Variants in SUFU observed in about 807,000 individuals in gnomAD.
SUFU encodes suppressor of fused homolog.
In SUFU, 7 loss-of-function variants were observed where a neutral mutation model predicts 58.9. The observed-to-expected ratio is 0.12, with a 90% CI of 0.07 to 0.22. SUFU has a LOEUF of 0.22. Ranked by LOEUF, SUFU falls within the 10% of genes least tolerant of loss-of-function variation. The pLI, the probability that SUFU is intolerant of heterozygous loss-of-function variation, is 1.00. For synonymous variants in SUFU, 232 were observed against 254.8 expected (o/e 0.91, Z 0.85); for missense variants, 451 against 641.3 (o/e 0.70, Z 3.20).
intron 6 of SUFU, 73 bp downstream of exon 6, chr10:102,594,138 C>T: frequency 3.4e-6 from 5 of 1,476,844 alleles, no homozygotes; most frequent in South Asian, 2.3e-5. Flanking sequence ...TGGCTTTCAT[C>T]CTGGGAAAAC....
In SUFU at chr10:102,633,046, CAG is replaced by C; in HGVS notation, c.*2892_*2893del. On this transcript the variant is annotated 3_prime_UTR_variant, in exon 12 of 12. Coordinates refer to ENST00000369902, the MANE Select transcript of SUFU (RefSeq NM_016169.4). Reference sequence around the variant, plus strand: ...GCTAGAGCATTTTTAAAAATAGACACAGGGTCTTGGGACTGGGGTTTCGGATT... The same window carrying C: ...GCTAGAGCATTTTTAAAAATAGACACGGTCTTGGGACTGGGGTTTCGGATT... 4.3e-6 allele frequency: 1 copy of C among 233,374 alleles called. No individual in the cohort carries two copies. The highest frequency in any genetic ancestry group is 8.5e-6 in the Non-Finnish European group (1 of 118,096). The allele number at this position is 233,374 out of a possible 1,614,324, so 14.5% of individuals were successfully genotyped here.
chr10:102,580,050 T>C (rs1429331834), intron 3 of SUFU, among the ~76,000 whole-genome samples: 1 of 56,280 alleles, frequency 1.8e-5, no homozygotes, highest in African/African-American at 6.7e-5. Context: ...GCCCCCAGTT[T>C]GTTTGCTTTG....
intron 3 of SUFU, among the ~76,000 whole-genome samples, chr10:102,556,535 G>A (rs988439785): frequency 6.6e-6 from 1 of 152,068 alleles, no homozygotes; most frequent in Admixed American, 6.6e-5. Flanking sequence ...CTGAGGTCAG[G>A]AGTTTGAGAC....
rs772364585 is a variant in SUFU at position 102,619,120 on chromosome 10, T to G, written c.1296+1692T>G. 2 of 1,612,584 alleles carry G rather than the reference T, an allele frequency of 1.2e-6. No homozygotes were observed. The highest frequency in any genetic ancestry group is 1.7e-5 in the Admixed American group (1 of 60,000). On this transcript the variant is annotated intron_variant, in intron 10 of 11. Transcript: ENST00000369902. This position sits in a 1 kb window ranked among gnomAD's most constrained non-coding sequence, Gnocchi z 4.2. ...CCCGTCCTGGAACGTCTTTCTGCCC[T>G]GAGGAGAGGGTAGTCAGCATCTCCA...
chr10:102,582,113 G>T (rs1161596140), intron 3 of SUFU, among the ~76,000 whole-genome samples: 1 of 152,186 alleles, frequency 6.6e-6, no homozygotes, highest in South Asian at 2.1e-4. Flanking sequence ...GAGAAAAGGG[G>T]CATTTGGCTT....
At chr10:102,528,960 T>C (rs1412539998) in intron 2 of SUFU, among the ~76,000 whole-genome samples, 2 of 108,010 alleles carry the variant, frequency 1.9e-5, no homozygotes, top group Non-Finnish European at 4.3e-5. Context: ...TTTTTTCCTT[T>C]CTTTTTTTTT....
chr10:102,591,162 T>C (rs1285148993), intron 3 of SUFU: 2 of 152,224 alleles, frequency 1.3e-5, no homozygotes, highest in Non-Finnish European at 2.9e-5. Flanking sequence ...TAGTGAACTC[T>C]GGAACAGCCA....
chr10:102,606,026 A>G (rs191028667), intron 8 of SUFU, among the ~76,000 whole-genome samples: 6 of 152,314 alleles, frequency 3.9e-5, no homozygotes, highest in Admixed American at 3.9e-4. Flanking sequence ...AATGGGACCA[A>G]TGCCCTTTAG....
chr10:102,630,558 T>A lies in SUFU; in HGVS notation c.*403T>A, dbSNP rs896921892. ...GGCGGACAGCCAGATGCAGAGCGAG[T>A]GGATGCACTTCCCAGCTCATCTCTG... On this transcript the variant is annotated 3_prime_UTR_variant, in exon 12 of 12. Coordinates refer to ENST00000369902, the MANE Select transcript of SUFU (RefSeq NM_016169.4). 5.2e-6 allele frequency: 2 copies of A among 382,418 alleles called. No individual in the cohort carries two copies. The highest frequency in any genetic ancestry group is 9.9e-6 in the Non-Finnish European group (2 of 202,720). 23.7% of individuals were successfully genotyped at this position (382,418 alleles called of 1,614,324 possible).
intron 3 of SUFU, among the ~76,000 whole-genome samples, chr10:102,551,884 C>A (rs1334092411): frequency 4.0e-5 from 6 of 151,038 alleles, no homozygotes; most frequent in Admixed American, 6.6e-5. Flanking sequence ...GCCACCACGC[C>A]TGGCTAATTT....
chr10:102,507,113 G>A (rs2062337430), intron 1 of SUFU, among the ~76,000 whole-genome samples: 1 of 152,198 alleles, frequency 6.6e-6, no homozygotes, highest in Non-Finnish European at 1.5e-5. Flanking sequence ...TAAGTAAACA[G>A]AATACTCTGT....
In SUFU at chr10:102,632,163, G is replaced by A. The variant is rs1257332041; in HGVS notation, c.*2008G>A. On this transcript the variant is annotated 3_prime_UTR_variant, in exon 12 of 12. Coordinates refer to ENST00000369902, the MANE Select transcript of SUFU (RefSeq NM_016169.4). The stretch of plus-strand genomic sequence containing the variant: ...TGCTGGGTGCCTCCATCGTTGGTTG[G>A]GTGGGGATGGGGCATTTTCTGAGCT... The A allele has an allele frequency of 4.3e-6, 1 of 233,192 alleles. No homozygotes were observed. Among genetic ancestry groups the A allele is most frequent in the East Asian group, 6.0e-5 (1 of 16,608 alleles). 14.4% of individuals were successfully genotyped at this position (233,192 alleles called of 1,614,324 possible).
intron 2 of SUFU, among the ~76,000 whole-genome samples, chr10:102,510,717 G>A (rs1391348916): frequency 6.6e-6 from 1 of 152,126 alleles, no homozygotes; most frequent in Non-Finnish European, 1.5e-5. Context: ...CAACTACCCC[G>A]GAGGCTGAGG....
At position 102,617,821 on chromosome 10, in the gene SUFU, A is replaced by G; in HGVS notation, c.1296+393A>G. 1 of 461,394 alleles carries G rather than the reference A, an allele frequency of 2.2e-6. No homozygotes were observed. Among genetic ancestry groups the G allele is most frequent in the Non-Finnish European group, 3.8e-6 (1 of 262,828 alleles). The allele number at this position is 461,394 out of a possible 1,614,324, so 28.6% of individuals were successfully genotyped here. On this transcript the variant is annotated intron_variant, in intron 10 of 11. Transcript: ENST00000369902. The surrounding 1 kb of genome is among the most constrained non-coding windows in gnomAD (Gnocchi z 4.4). ...GTGGAGGCCACTCTCCAATGGCTACATGGAAATCCCACCAGAATTCAGACA... is the reference window on the plus strand; with the variant it reads ...GTGGAGGCCACTCTCCAATGGCTACGTGGAAATCCCACCAGAATTCAGACA...
At position 102,630,500 on chromosome 10, in the gene SUFU, C is replaced by T; in HGVS notation, c.*345C>T. 2.2e-6 allele frequency: 1 copy of T among 451,248 alleles called. No individual in the cohort carries two copies. Among genetic ancestry groups the T allele is most frequent in the Admixed American group, 3.4e-5 (1 of 29,230 alleles). 28.0% of individuals were successfully genotyped at this position (451,248 alleles called of 1,614,324 possible). A position where few individuals can be genotyped will look rare whatever the true frequency, so the allele number is the denominator to read the frequency against. On this transcript the variant is annotated 3_prime_UTR_variant, in exon 12 of 12. Transcript: ENST00000369902. ...TAGGTGGAGACAGCCCTCTTTCTCA[C>T]CTACCCCCTGCCGCACAGCCCAGCA...
chr10:102,597,366 T>G, intron 7 of SUFU, 73 bp downstream of exon 7: 1 of 1,536,670 alleles, frequency 6.5e-7, no homozygotes, highest in Non-Finnish European at 8.8e-7. Flanking sequence ...CCAGTCTCTC[T>G]AGGATGGGTC....
At chr10:102,542,099 G>A (rs539937995) in intron 2 of SUFU, among the ~76,000 whole-genome samples, 68 of 150,018 alleles carry the variant, frequency 4.5e-4, no homozygotes, top group Non-Finnish European at 8.4e-4. Flanking sequence ...GGTCAGGCTG[G>A]ACTTGAACTC....
chr10:102,541,651 G>A (rs569220602), intron 2 of SUFU, among the ~76,000 whole-genome samples: 1 of 146,796 alleles, frequency 6.8e-6, no homozygotes, highest in African/African-American at 2.5e-5. Flanking sequence ...TGCCTGCCTC[G>A]GCCTCCCAAA....
intron 3 of SUFU, among the ~76,000 whole-genome samples, chr10:102,554,569 C>G (rs1280420936): frequency 6.6e-6 from 1 of 152,228 alleles, no homozygotes; most frequent in Middle Eastern, 3.2e-3. Context: ...CTCCTGACTT[C>G]CAACATCATT....
Sources: gnomAD v4.1 joint callset for allele counts (sites outside exome capture counted in the v4.1 genomes callset) on GRCh38, gnomAD v4.1.1 for gene constraint, Gnocchi (gnomAD v3.1) non-coding constraint, MANE v1.5 for transcripts, NCBI Gene and HGNC (gene_info 2026-07-23, HGNC 2026-07-21) for gene names.